The following ROBO2 variants were observed in gnomAD, a reference collection of about 807,000 sequenced individuals.
The protein encoded by ROBO2 is roundabout guidance receptor 2, also known as roundabout homolog 2.
In ROBO2, 53 loss-of-function variants were observed where a neutral mutation model predicts 160.8. The ratio of observed to expected loss-of-function variants is 0.33; its 90% CI spans 0.26 to 0.41. ROBO2 has a LOEUF of 0.41. ROBO2 is among the 10% of genes least tolerant of loss of function. The probability of loss-of-function intolerance (pLI) is 1.00; values close to 1 mark genes in which losing one functional copy is unlikely to be tolerated. For synonymous variants in ROBO2, 664 were observed against 611.7 expected (o/e 1.09, Z -1.26); for missense variants, 1,577 against 1,722.4 (o/e 0.92, Z 1.49).
intron 2 of ROBO2, among the ~76,000 whole-genome samples, chr3:76,896,620 G>C (rs887401506): frequency 2.0e-5 from 3 of 152,068 alleles, no homozygotes. Context: ...AAAAAAGTTA[G>C]TATTAGAATC....
At chr3:76,301,520 T>C (rs1242309078) in intron 2 of ROBO2, among the ~76,000 whole-genome samples, 2 of 152,108 alleles carry the variant, frequency 1.3e-5, no homozygotes, top group African/African-American at 4.8e-5. Context: ...TCTGAGATTC[T>C]AATAACTTAT....
intron 20 of ROBO2, among the ~76,000 whole-genome samples, chr3:77,603,470 A>G (rs1339686568): frequency 1.3e-5 from 2 of 152,166 alleles, no homozygotes; most frequent in Non-Finnish European, 2.9e-5. Context: ...CTATTTTTGG[A>G]CAAGATTTCG....
At chr3:76,434,269 C>T in intron 2 of ROBO2, 5 of 999,266 alleles carry the variant, frequency 5.0e-6, no homozygotes, top group Non-Finnish European at 8.1e-6. Flanking sequence ...GTTACAGATT[C>T]TCAGTGTCAA....
chr3:77,164,587 G>T (rs80227772), intron 2 of ROBO2, among the ~76,000 whole-genome samples: 1 of 134,762 alleles, frequency 7.4e-6, no homozygotes, highest in Middle Eastern at 5.0e-3. Flanking sequence ...GGTGAGGGGC[G>T]CCTCTGCCCG....
chr3:77,599,095 A>G (rs1184287880), intron 19 of ROBO2, among the ~76,000 whole-genome samples: 2 of 152,156 alleles, frequency 1.3e-5, no homozygotes, highest in African/African-American at 4.8e-5. Flanking sequence ...CTCATAGATG[A>G]ACAGCAAGGC....
chr3:76,922,727 C>T (rs907460725), intron 2 of ROBO2, among the ~76,000 whole-genome samples: 2 of 152,186 alleles, frequency 1.3e-5, no homozygotes, highest in Non-Finnish European at 2.9e-5. Flanking sequence ...CACTCCTCAT[C>T]ACTTCTCCCA....
chr3:76,206,308 T>C (rs1352194976), intron 2 of ROBO2, among the ~76,000 whole-genome samples: 1 of 152,202 alleles, frequency 6.6e-6, no homozygotes, highest in African/African-American at 2.4e-5. Flanking sequence ...CATTGGCCTA[T>C]TTTTAAACTT....
intron 2 of ROBO2, among the ~76,000 whole-genome samples, chr3:76,598,878 C>T (rs35102339): frequency 0.35 from 52,769 of 151,862 alleles, 10,491 homozygotes; most frequent in East Asian, 0.53. Flanking sequence ...ATCTACGTAA[C>T]GAAGCAACAG....
At chr3:76,999,310 G>T (rs1449856029) in intron 2 of ROBO2, among the ~76,000 whole-genome samples, 1 of 151,952 alleles carries the variant, frequency 6.6e-6, no homozygotes, top group Non-Finnish European at 1.5e-5. Context: ...GTAAGAGAGG[G>T]CACTCAAGGT....
exon 23 of ROBO2, chr3:77,622,410 C>A: frequency 6.2e-7 from 1 of 1,614,060 alleles, no homozygotes; most frequent in Non-Finnish European, 8.5e-7. Flanking sequence ...CCAGCATGGA[C>A]AATCTAGACA....
chr3:76,329,148 T>C (rs1576462284), intron 2 of ROBO2, among the ~76,000 whole-genome samples: 1 of 151,496 alleles, frequency 6.6e-6, no homozygotes, highest in African/African-American at 2.4e-5. Context: ...CTACCCCAAG[T>C]CCCCCACGGA....
At chr3:76,485,155 T>G (rs183212297) in intron 2 of ROBO2, among the ~76,000 whole-genome samples, 1 of 152,160 alleles carries the variant, frequency 6.6e-6, no homozygotes, top group Admixed American at 6.6e-5. Context: ...AATTATATTG[T>G]AATACATCAT....
chr3:77,634,976 A>G, exon 24 of ROBO2: 1 of 1,614,182 alleles, frequency 6.2e-7, no homozygotes, highest in South Asian at 1.1e-5. Flanking sequence ...GGCCCACTAA[A>G]AAACACAAGG....
intron 6 of ROBO2, among the ~76,000 whole-genome samples, chr3:77,543,117 G>A (rs2092548572): frequency 6.6e-6 from 1 of 151,958 alleles, no homozygotes; most frequent in Non-Finnish European, 1.5e-5. Context: ...GTCCTCCAAA[G>A]TACAGCTCTA....
At chr3:77,036,506 T>G (rs2063645861), upstream of ROBO2, among the ~76,000 whole-genome samples, 1 of 152,076 alleles carries the variant, frequency 6.6e-6, no homozygotes, top group African/African-American at 2.4e-5. Flanking sequence ...ATGGTTATTT[T>G]ATACTTCTGC....
chr3:77,356,906 G>T (rs750104702), intron 2 of ROBO2, among the ~76,000 whole-genome samples: 2 of 152,038 alleles, frequency 1.3e-5, no homozygotes, highest in Non-Finnish European at 2.9e-5. Context: ...AAAATACAGA[G>T]AATATTTTGC....
intron 2 of ROBO2, among the ~76,000 whole-genome samples, chr3:76,191,372 G>A (rs183320255): frequency 5.3e-4 from 80 of 152,154 alleles, no homozygotes; most frequent in Non-Finnish European, 5.9e-4. Context: ...CCTACACCAG[G>A]TAAATAGCTT....
intron 2 of ROBO2, among the ~76,000 whole-genome samples, chr3:77,289,484 A>C (rs142264024): frequency 0.32 from 48,764 of 150,488 alleles, 8,146 homozygotes; most frequent in Non-Finnish European, 0.36. Context: ...CTAGAGCACT[A>C]AAGATATAAA....
intron 2 of ROBO2, among the ~76,000 whole-genome samples, chr3:76,006,603 G>A (rs199758426): frequency 1.3e-5 from 2 of 152,084 alleles, no homozygotes; most frequent in East Asian, 3.9e-4. Context: ...GTGACTTTTA[G>A]CAAGTTATGT....
Sources: allele counts gnomAD v4.1 joint callset (sites outside exome capture counted in the v4.1 genomes callset), GRCh38; gene constraint gnomAD v4.1.1; transcripts MANE v1.5; gene names NCBI Gene and HGNC (gene_info 2026-07-23, HGNC 2026-07-21).